Variants in PCDHGA5 observed in about 807,000 individuals in gnomAD.
PCDHGA5 encodes protocadherin gamma-A5.
Under a neutral mutation model 56.7 loss-of-function variants are expected in PCDHGA5, and 36 were observed. That is an observed-to-expected ratio of 0.64 (90% CI 0.49 to 0.84). The LOEUF (loss-of-function observed/expected upper bound fraction) is 0.84. Among genes scored for constraint, PCDHGA5 ranks in the 40% least tolerant of loss-of-function variants. The pLI is 0.00. For missense variants in PCDHGA5, 1,305 were observed against 1,201.5 expected, an observed-to-expected ratio of 1.09 and a Z score of -1.27; for synonymous variants, 563 against 520.2, an observed-to-expected ratio of 1.08 and a Z score of -1.12.
At chr5:141,423,318 G>T (rs1165459779) in intron 1 of PCDHGA5, 17 of 1,614,006 alleles carry the variant, frequency 1.1e-5, no homozygotes, top group South Asian at 8.8e-5. Context: ...TGGTGGTGGC[G>T]GTGGCCGCAG....
chr5:141,403,577 C>A (rs1188693688), intron 1 of PCDHGA5: 5 of 1,613,812 alleles, frequency 3.1e-6, no homozygotes, highest in Non-Finnish European at 3.4e-6. Context: ...AACTGCCCAC[C>A]ACCTGGTCCT....
At chr5:141,506,278 G>A (rs1001662623) in intron 3 of PCDHGA5, among the ~76,000 whole-genome samples, 1 of 152,090 alleles carries the variant, frequency 6.6e-6, no homozygotes. Flanking sequence ...GTGAAACCCT[G>A]TCTCTACTAA....
intron 1 of PCDHGA5, chr5:141,422,190 A>G (rs761351024): frequency 6.4e-7 from 1 of 1,561,412 alleles, no homozygotes. Flanking sequence ...TGGAAATTCA[A>G]GGCCAAGATG....
chr5:141,376,282 G>C (rs755455760), intron 1 of PCDHGA5: 10 of 1,614,096 alleles, frequency 6.2e-6, no homozygotes, highest in Non-Finnish European at 7.6e-6. Flanking sequence ...GTGGCTTAGC[G>C]AGCATGCCCG....
intron 1 of PCDHGA5, among the ~76,000 whole-genome samples, chr5:141,397,293 A>T (rs1449132000): frequency 6.6e-6 from 1 of 152,220 alleles, no homozygotes; most frequent in African/African-American, 2.4e-5. Flanking sequence ...ACTTGAATGA[A>T]TATTTCCTGA....
At chr5:141,375,474 A>G (rs369592332) in intron 1 of PCDHGA5, 1 of 1,613,772 alleles carries the variant, frequency 6.2e-7, no homozygotes, top group African/African-American at 1.3e-5. Flanking sequence ...GTCCTTGAAA[A>G]CAACCCCAGG....
chr5:141,485,805 T>C lies in PCDHGA5; in HGVS notation c.2422-9002T>C, dbSNP rs753916789. ...GAGAAGCAATCGGACTACCGCCTGG[T>C]GCTGACTGCTGTCGATGGAGGGAAC... On this transcript the variant is annotated intron_variant, in intron 1 of 3. Coordinates refer to ENST00000518069, the MANE Select transcript of PCDHGA5 (RefSeq NM_018918.3). The surrounding 1 kb of genome is among the most constrained non-coding windows in gnomAD (Gnocchi z 5.7). 1.2e-6 allele frequency: 2 copies of C among 1,614,198 alleles called. No individual in the cohort carries two copies. The highest frequency in any genetic ancestry group is 1.7e-6 in the Non-Finnish European group (2 of 1,180,026).
In PCDHGA5 at chr5:141,383,047, A is replaced by T. The variant is rs373552606; in HGVS notation, c.2421+16296A>T. ...AGGGTCCTTTGTGGGAGACATCGCCAAGGACCTGGGGCTGGAGCCCCGGGA... is the reference window on the plus strand; with the variant it reads ...AGGGTCCTTTGTGGGAGACATCGCCTAGGACCTGGGGCTGGAGCCCCGGGA... On this transcript the variant is annotated intron_variant, in intron 1 of 3. Coordinates refer to ENST00000518069, the MANE Select transcript of PCDHGA5 (RefSeq NM_018918.3). The T allele has an allele frequency of 1.6e-5, 26 of 1,613,752 alleles. No individual in the cohort carries two copies. The African/African-American group carries it at 2.9e-4, about 18-fold the overall frequency.
At chr5:141,419,849 T>C in intron 1 of PCDHGA5, 1 of 1,614,040 alleles carries the variant, frequency 6.2e-7, no homozygotes, top group East Asian at 2.2e-5. Context: ...GCACCTGGTG[T>C]TCGCAGATAG....
Position 141,463,438 on chromosome 5 carries a change from CTTTTTTTTT to C in PCDHGA5, c.2422-31349_2422-31341del, listed in dbSNP as rs71576115. 5.5e-3 allele frequency among the ~76,000 whole-genome samples: 572 copies of C among 103,208 alleles called. 4 individuals carry two copies. The highest frequency in any genetic ancestry group is 8.7e-3 in the Non-Finnish European group (462 of 53,292). The allele number at this position is 103,208 out of a possible 152,430, so 67.7% of individuals were successfully genotyped here. On this transcript the variant is annotated intron_variant, in intron 1 of 3. Transcript: ENST00000518069. ...GTTTGCGGATCCTCATTTCCTTCTC[CTTTTTTTTT>C]TTTTTTTTTTTTTTTTTTTGAGATG...
rs2154532733 is a variant in PCDHGA5, at chr5:141,403,281, T to C, written c.2421+36530T>C. ...TGTCTGGTGAACTTTAAAGTCCTGGTTGAAGACAGAGTGAAACTGTACGGA... is the reference window on the plus strand; with the variant it reads ...TGTCTGGTGAACTTTAAAGTCCTGGCTGAAGACAGAGTGAAACTGTACGGA... On this transcript the variant is annotated intron_variant, in intron 1 of 3. Transcript: ENST00000518069. The C allele has an allele frequency of 2.5e-6, 4 of 1,613,908 alleles. No individual in the cohort carries two copies. Among genetic ancestry groups the C allele is most frequent in the African/African-American group, 1.3e-5 (1 of 75,080 alleles).
chr5:141,450,489 CTGTT>C (rs1372781820), intron 1 of PCDHGA5, among the ~76,000 whole-genome samples: 4 of 150,280 alleles, frequency 2.7e-5, no homozygotes, highest in Non-Finnish European at 2.9e-5. Context: ...GTTTGTTTGT[CTGTT>C]TGTTTGTTTT....
At chr5:141,418,435 A>G (rs1237542659) in intron 1 of PCDHGA5, 1 of 1,614,038 alleles carries the variant, frequency 6.2e-7, no homozygotes, top group South Asian at 1.1e-5. Context: ...GCAAATATCC[A>G]GAATTAGTAT....
At chr5:141,437,345 A>T (rs1018513998) in intron 1 of PCDHGA5, among the ~76,000 whole-genome samples, 2 of 152,252 alleles carry the variant, frequency 1.3e-5, no homozygotes, top group Non-Finnish European at 2.9e-5. Context: ...TCACTGTTTT[A>T]TAGTACCTAA....
chr5:141,403,879 T>C (rs981085034), intron 1 of PCDHGA5: 19 of 1,613,692 alleles, frequency 1.2e-5, no homozygotes, highest in Non-Finnish European at 1.6e-5. Context: ...GTCTAGATTA[T>C]GAAGAATGTT....
At chr5:141,398,256 G>C in intron 1 of PCDHGA5, 3 of 1,460,296 alleles carry the variant, frequency 2.1e-6, no homozygotes, top group Non-Finnish European at 9.3e-7. Flanking sequence ...AAATGCCCAA[G>C]GGCTCCGTAG....
chr5:141,448,394 T>A (rs1360417681), intron 1 of PCDHGA5, among the ~76,000 whole-genome samples: 2 of 152,206 alleles, frequency 1.3e-5, no homozygotes, highest in Admixed American at 6.5e-5. Context: ...TACATTTACA[T>A]GGTTTTAAAA....
At chr5:141,492,822 C>T (rs1241767956) in intron 1 of PCDHGA5, among the ~76,000 whole-genome samples, 1 of 152,238 alleles carries the variant, frequency 6.6e-6, no homozygotes, top group Non-Finnish European at 1.5e-5. Context: ...GCACCAGCGG[C>T]CCCTTCCTCC....
chr5:141,424,391 C>T (rs2096818270), intron 1 of PCDHGA5: 1 of 152,106 alleles, frequency 6.6e-6, no homozygotes, highest in South Asian at 2.1e-4. Flanking sequence ...GATGTCTTTT[C>T]CATTACTATG....
Sources: gnomAD v4.1 joint callset for allele counts (sites outside exome capture counted in the v4.1 genomes callset) on GRCh38, gnomAD v4.1.1 for gene constraint, Gnocchi (gnomAD v3.1) non-coding constraint, MANE v1.5 for transcripts, NCBI Gene and HGNC (gene_info 2026-07-23, HGNC 2026-07-21) for gene names.